NBEA: variants seen among roughly 807,000 people sequenced by gnomAD.
NBEA encodes lysosomal-trafficking regulator 2.
A neutral mutation model predicts 343.4 loss-of-function variants in NBEA; 44 were observed. That is an observed-to-expected ratio of 0.13 (90% CI 0.10 to 0.16). The LOEUF (loss-of-function observed/expected upper bound fraction) is 0.16, where lower values mean the gene tolerates loss of function less well. Ranked by LOEUF, NBEA falls within the 10% of genes least tolerant of loss-of-function variation. The probability of loss-of-function intolerance (pLI) is 1.00; values close to 1 mark genes in which losing one functional copy is unlikely to be tolerated. For synonymous variants in NBEA, 1,175 were observed against 1,238.7 expected (o/e 0.95, Z 1.08); for missense variants, 2,555 against 3,631.3 (o/e 0.70, Z 7.62).
At chr13:34,943,654 A>C (rs1169122209) in intron 1 of NBEA, among the ~76,000 whole-genome samples, 1 of 152,154 alleles carries the variant, frequency 6.6e-6, no homozygotes, top group Admixed American at 6.5e-5. Flanking sequence ...TAAATATTCC[A>C]AGGCCATGAT....
intron 31 of NBEA, among the ~76,000 whole-genome samples, chr13:35,197,935 A>C (rs567990008): frequency 2.0e-5 from 3 of 152,350 alleles, no homozygotes; most frequent in South Asian, 2.1e-4. Context: ...TATAAAGATG[A>C]ATAAAATTAG....
At chr13:35,410,853 G>C (rs2043539659) in intron 38 of NBEA, among the ~76,000 whole-genome samples, 1 of 152,160 alleles carries the variant, frequency 6.6e-6, no homozygotes. Flanking sequence ...TGTTTGATAA[G>C]GGGAATGAGC....
chr13:35,158,511 A>G (rs866855288), intron 21 of NBEA, among the ~76,000 whole-genome samples: 2 of 152,248 alleles, frequency 1.3e-5, no homozygotes, highest in Middle Eastern at 3.4e-3. Context: ...AACAGCTTAT[A>G]TAAGGATAAA....
chr13:35,358,900 G>T (rs773034336), intron 38 of NBEA, among the ~76,000 whole-genome samples: 3 of 151,792 alleles, frequency 2.0e-5, no homozygotes, highest in Admixed American at 6.6e-5. Context: ...CTTTAGCAAA[G>T]GGTGGTGTGT....
intron 10 of NBEA, among the ~76,000 whole-genome samples, chr13:35,097,642 A>G (rs1240015007): frequency 1.3e-5 from 2 of 151,980 alleles, no homozygotes; most frequent in Non-Finnish European, 2.9e-5. Flanking sequence ...AGACAAATCA[A>G]GTGCTTAACT....
chr13:35,449,169 T>A (rs556944759), intron 39 of NBEA, among the ~76,000 whole-genome samples: 5 of 152,242 alleles, frequency 3.3e-5, no homozygotes, highest in African/African-American at 1.2e-4. Flanking sequence ...TGCTAAGAAG[T>A]TTGGATTTTA....
chr13:35,211,460 CAT>C (rs1310466637), intron 33 of NBEA, among the ~76,000 whole-genome samples: 2 of 152,080 alleles, frequency 1.3e-5, no homozygotes, highest in Non-Finnish European at 2.9e-5. Context: ...AAGGTTAAAA[CAT>C]GTACAAATGG....
At chr13:35,492,996 A>G (rs1012141930) in intron 41 of NBEA, among the ~76,000 whole-genome samples, 1 of 152,024 alleles carries the variant, frequency 6.6e-6, no homozygotes, top group Admixed American at 6.6e-5. Context: ...TAAGCGGAAT[A>G]TGGACACAGG....
chr13:35,326,256 C>T (rs2038552748), intron 36 of NBEA, among the ~76,000 whole-genome samples: 1 of 152,010 alleles, frequency 6.6e-6, no homozygotes, highest in Non-Finnish European at 1.5e-5. Flanking sequence ...TATTCATTCT[C>T]CCAATCCATG....
intron 33 of NBEA, among the ~76,000 whole-genome samples, chr13:35,227,174 C>A (rs1006793331): frequency 1.3e-5 from 2 of 151,580 alleles, no homozygotes; most frequent in African/African-American, 4.8e-5. Flanking sequence ...TCCGTAGCGG[C>A]CACAACCTTA....
At chr13:35,009,494 G>A (rs1367966422) in intron 1 of NBEA, among the ~76,000 whole-genome samples, 7 of 152,110 alleles carry the variant, frequency 4.6e-5, no homozygotes, top group Non-Finnish European at 1.0e-4. Flanking sequence ...TAAAGACCCC[G>A]AGTCAAAAAT....
chr13:35,374,363 T>A (rs981691777), intron 38 of NBEA, among the ~76,000 whole-genome samples: 4 of 152,194 alleles, frequency 2.6e-5, no homozygotes, highest in African/African-American at 9.7e-5. Flanking sequence ...GCATCAAAGA[T>A]CACTAATCAC....
At chr13:35,098,651 G>A (rs191531078) in intron 11 of NBEA, among the ~76,000 whole-genome samples, 3 of 152,266 alleles carry the variant, frequency 2.0e-5, no homozygotes, top group East Asian at 3.9e-4. Context: ...CAAGCAATAA[G>A]TATCATTTCT....
Position 35,628,106 on chromosome 13 carries a change from G to A in NBEA, c.7475G>A (p.Cys2492Tyr), listed in dbSNP as rs748018105. The A allele has an allele frequency of 1.2e-6, 2 of 1,611,718 alleles. No homozygotes were observed. The highest frequency in any genetic ancestry group is 1.7e-6 in the Non-Finnish European group (2 of 1,178,872). Reference sequence around the variant, plus strand: ...GCCCTAGAAAGTGAATTTGTTTCTTGCCAACTTCATCAGTGGATCGACCTT... The same window carrying A: ...GCCCTAGAAAGTGAATTTGTTTCTTACCAACTTCATCAGTGGATCGACCTT... ...RMALESEFVS[C>Y]QLHQWIDLIF... Residue 2492 changes from cysteine to tyrosine, a missense_variant, in exon 49 of 59, where the codon TGC becomes TAC. Physicochemically the swap from Cys to Tyr is radical, Grantham distance 194. Around this residue, in one of 21 missense-constraint regions of NBEA, gnomAD observed 11 missense variants for 33.2 expected, o/e 0.33. Transcript: ENST00000379939.
intron 49 of NBEA, among the ~76,000 whole-genome samples, chr13:35,637,394 A>G (rs1466504046): frequency 6.6e-6 from 1 of 152,180 alleles, no homozygotes; most frequent in African/African-American, 2.4e-5. Context: ...CAATATGGCA[A>G]TCGTTCAAAA....
chr13:35,029,204 A>G (rs183920515), intron 1 of NBEA, among the ~76,000 whole-genome samples: 15 of 151,652 alleles, frequency 9.9e-5, no homozygotes, highest in East Asian at 9.7e-4. Context: ...ACACATATAT[A>G]TGTGTTTATA....
chr13:35,468,132 G>GCCA (rs1566176841), intron 40 of NBEA, among the ~76,000 whole-genome samples: 21 of 103,082 alleles, frequency 2.0e-4, no homozygotes, highest in Admixed American at 2.3e-4. Flanking sequence ...CCCCTCCCCT[G>GCCA]AAAATGATTA....
intron 8 of NBEA, among the ~76,000 whole-genome samples, chr13:35,068,897 C>A (rs1421189340): frequency 6.6e-6 from 1 of 152,122 alleles, no homozygotes; most frequent in Non-Finnish European, 1.5e-5. Context: ...GACAAATCTT[C>A]TCTAGTTTGA....
At chr13:35,286,108 A>G (rs1489651156) in intron 34 of NBEA, among the ~76,000 whole-genome samples, 5 of 152,094 alleles carry the variant, frequency 3.3e-5, no homozygotes, top group African/African-American at 9.7e-5. Context: ...CTCACACTGC[A>G]TTCTCTATGA....
Sources: allele counts gnomAD v4.1 joint callset (sites outside exome capture counted in the v4.1 genomes callset), GRCh38; gene constraint gnomAD v4.1.1; regional missense constraint gnomAD v4.1.1; transcripts MANE v1.5; gene names NCBI Gene and HGNC (gene_info 2026-07-23, HGNC 2026-07-21).